Variants in CTNND2 observed in about 807,000 individuals in gnomAD.
CTNND2 encodes catenin delta 2, also known as catenin delta-2.
CTNND2 carries 22 observed loss-of-function variants against 144.4 expected under a neutral mutation model. That is an observed-to-expected ratio of 0.15 (90% CI 0.11 to 0.22). The LOEUF is 0.22. Ranked by LOEUF, CTNND2 falls within the 10% of genes least tolerant of loss-of-function variation. The probability of loss-of-function intolerance (pLI) is 1.00; values close to 1 mark genes in which losing one functional copy is unlikely to be tolerated. For synonymous variants in CTNND2, 751 were observed against 695.6 expected (o/e 1.08, Z -1.25); for missense variants, 1,353 against 1,618.8 (o/e 0.84, Z 2.82).
intron 3 of CTNND2, among the ~76,000 whole-genome samples, chr5:11,515,172 A>G (rs1772049635): frequency 6.6e-6 from 1 of 151,562 alleles, no homozygotes; most frequent in Non-Finnish European, 1.5e-5. Context: ...CAGAAGCATC[A>G]TGGTCATCAG....
At chr5:11,249,108 C>A (rs1025793126) in intron 9 of CTNND2, among the ~76,000 whole-genome samples, 3 of 152,172 alleles carry the variant, frequency 2.0e-5, no homozygotes, top group African/African-American at 7.2e-5. Context: ...ACAGTGGGAG[C>A]AGAATTATCT....
At chr5:11,663,252 T>C (rs1783375299) in intron 2 of CTNND2, among the ~76,000 whole-genome samples, 1 of 152,188 alleles carries the variant, frequency 6.6e-6, no homozygotes, top group African/African-American at 2.4e-5. Context: ...ATCACCCTAA[T>C]GTTCTCCACT....
At chr5:11,400,387 G>C (rs1299047283) in intron 5 of CTNND2, among the ~76,000 whole-genome samples, 1 of 152,174 alleles carries the variant, frequency 6.6e-6, no homozygotes, top group Non-Finnish European at 1.5e-5. Context: ...GAGAGCAGAA[G>C]CCATGGTCTC....
chr5:11,410,856 GT>G (rs768261629), intron 5 of CTNND2, among the ~76,000 whole-genome samples: 1 of 151,504 alleles, frequency 6.6e-6, no homozygotes, highest in Non-Finnish European at 1.5e-5. Context: ...ATCTCTATGA[GT>G]AAAGCACTGA....
rs1746702933 is a variant in CTNND2, at chr5:11,059,492, T to C, written c.2788+23204A>G. Among the ~76,000 whole-genome samples, 4 of 152,358 alleles carry C rather than the reference T, an allele frequency of 2.6e-5. No homozygotes were observed. In the South Asian group the frequency reaches 8.3e-4, roughly 32 times the overall value. On this transcript the variant is annotated intron_variant, in intron 16 of 21. Coordinates refer to ENST00000304623, the MANE Select transcript of CTNND2 (RefSeq NM_001332.4). Reference sequence around the variant, plus strand: ...CAGTCATGTGGAACTGTAAGTCCAATAAACCTCTTTCTTTTCTAAATTGCC... The same window carrying C: ...CAGTCATGTGGAACTGTAAGTCCAACAAACCTCTTTCTTTTCTAAATTGCC...
At chr5:11,759,674 T>C (rs939988171) in intron 1 of CTNND2, among the ~76,000 whole-genome samples, 2 of 152,150 alleles carry the variant, frequency 1.3e-5, no homozygotes, top group Non-Finnish European at 2.9e-5. Flanking sequence ...TATGAGGTAA[T>C]AACATTCTAA....
intron 3 of CTNND2, among the ~76,000 whole-genome samples, chr5:11,557,479 A>C (rs978671543): frequency 6.6e-6 from 1 of 152,086 alleles, no homozygotes; most frequent in African/African-American, 2.4e-5. Flanking sequence ...TCAGCATGTA[A>C]ATGCCATCTG....
chr5:11,110,821 G>A, intron 14 of CTNND2, 37 bp downstream of exon 14: 1 of 1,569,976 alleles, frequency 6.4e-7, no homozygotes, highest in Non-Finnish European at 8.7e-7. Flanking sequence ...AATTAGGAAG[G>A]GGATAATTGC....
At chr5:11,596,644 C>A (rs905715453) in intron 2 of CTNND2, among the ~76,000 whole-genome samples, 4 of 152,070 alleles carry the variant, frequency 2.6e-5, no homozygotes, top group African/African-American at 9.7e-5. Flanking sequence ...GATATATTTG[C>A]CTTTGGTATT....
chr5:11,241,475 G>T (rs1361883302), intron 9 of CTNND2, among the ~76,000 whole-genome samples: 1 of 152,220 alleles, frequency 6.6e-6, no homozygotes, highest in Non-Finnish European at 1.5e-5. Context: ...GGAGTTGATT[G>T]TGTCTCCAGG....
intron 2 of CTNND2, among the ~76,000 whole-genome samples, chr5:11,693,672 T>C (rs1412964328): frequency 6.6e-6 from 1 of 152,212 alleles, no homozygotes; most frequent in Non-Finnish European, 1.5e-5. Flanking sequence ...AAATGCTCCA[T>C]AAATATTTGG....
At chr5:11,723,856 A>AT (rs1786841695) in intron 2 of CTNND2, among the ~76,000 whole-genome samples, 1 of 152,046 alleles carries the variant, frequency 6.6e-6, no homozygotes, top group Admixed American at 6.6e-5. Context: ...GGAGATCGAG[A>AT]CATTCCTGGC....
intron 10 of CTNND2, among the ~76,000 whole-genome samples, chr5:11,215,824 CTG>C (rs1739116060): frequency 6.6e-6 from 1 of 152,130 alleles, no homozygotes; most frequent in Non-Finnish European, 1.5e-5. Flanking sequence ...ATATGGAAAA[CTG>C]TTAGGTATTT....
At chr5:11,104,465 C>T (rs113360286) in intron 14 of CTNND2, among the ~76,000 whole-genome samples, 8 of 152,218 alleles carry the variant, frequency 5.3e-5, no homozygotes, top group African/African-American at 1.9e-4. Context: ...GTCCATCCAC[C>T]GTCTGCCACT....
chr5:11,502,676 T>C (rs1770653167), intron 3 of CTNND2, among the ~76,000 whole-genome samples: 1 of 152,154 alleles, frequency 6.6e-6, no homozygotes, highest in African/African-American at 2.4e-5. Context: ...CCGGGAACAT[T>C]TGGTACCCCA....
intron 2 of CTNND2, among the ~76,000 whole-genome samples, chr5:11,637,962 A>C (rs973889115): frequency 1.3e-5 from 2 of 152,208 alleles, no homozygotes; most frequent in African/African-American, 4.8e-5. Flanking sequence ...TCATCAGTAA[A>C]ATCTAATGTA....
intron 3 of CTNND2, among the ~76,000 whole-genome samples, chr5:11,441,878 G>A (rs143141062): frequency 1.6e-3 from 246 of 152,140 alleles, no homozygotes; most frequent in Non-Finnish European, 2.8e-3. Flanking sequence ...GCATAAACCC[G>A]TGCCTTAATT....
At chr5:11,148,573 C>G (rs895842069) in intron 12 of CTNND2, among the ~76,000 whole-genome samples, 7 of 152,172 alleles carry the variant, frequency 4.6e-5, no homozygotes, top group African/African-American at 1.7e-4. Context: ...GTGGAGGGAG[C>G]TTCCAGGTCC....
chr5:11,497,073 T>A (rs61757516), intron 3 of CTNND2, among the ~76,000 whole-genome samples: 2,569 of 152,248 alleles, frequency 0.017, 79 homozygotes, highest in African/African-American at 0.059. Flanking sequence ...GGTCCCTTGA[T>A]GAAGGAAGAA....
Sources: gnomAD v4.1 joint callset for allele counts (sites outside exome capture counted in the v4.1 genomes callset) on GRCh38, gnomAD v4.1.1 for gene constraint, MANE v1.5 for transcripts, NCBI Gene and HGNC (gene_info 2026-07-23, HGNC 2026-07-21) for gene names.